Variants in VEGFC observed in about 807,000 individuals in gnomAD.
The protein encoded by VEGFC is FLT4 ligand DHM.
Under a neutral mutation model 46.1 loss-of-function variants are expected in VEGFC, and 12 were observed. The observed-to-expected ratio is 0.26, with a 90% CI of 0.17 to 0.42. The LOEUF is 0.42. Among genes scored for constraint, VEGFC ranks in the 10% least tolerant of loss-of-function variants. The pLI, the probability that VEGFC is intolerant of heterozygous loss-of-function variation, is 1.00. For missense variants in VEGFC, 488 were observed against 529.4 expected, an observed-to-expected ratio of 0.92 and a Z score of 0.77; for synonymous variants, 232 against 195.5, an observed-to-expected ratio of 1.19 and a Z score of -1.56.
Position 176,792,392 on chromosome 4 carries a change from C to G in VEGFC, c.-81G>C. 1 of 1,168,390 alleles carries G rather than the reference C, an allele frequency of 8.6e-7. No individual in the cohort carries two copies. The highest frequency in any genetic ancestry group is 3.2e-5 in the East Asian group (1 of 31,302). 72.4% of individuals were successfully genotyped at this position (1,168,390 alleles called of 1,614,324 possible). On this transcript the variant is annotated 5_prime_UTR_variant, in exon 1 of 7. Coordinates refer to ENST00000618562, the MANE Select transcript of VEGFC (RefSeq NM_005429.5). This position sits in a 1 kb window ranked among gnomAD's most constrained non-coding sequence, Gnocchi z 6.3. ...GCGGGCGCCCCTGCGAGGCCGCGGG[C>G]CCCTCCTGGTCCCTCTCCCCCGGGC...
rs147982751 is a variant in VEGFC at position 176,687,045 on chromosome 4, T to TA, written c.1145+141dup. ...AGTCTCATGCAAGTTTAGCATTGGTTAAAAAAATATAAGATTTTTGTCTTT... is the reference window on the plus strand; with the variant it reads ...AGTCTCATGCAAGTTTAGCATTGGTTAAAAAAAATATAAGATTTTTGTCTTT... On this transcript the variant is annotated intron_variant, in intron 6 of 6. Coordinates refer to ENST00000618562, the MANE Select transcript of VEGFC (RefSeq NM_005429.5). 17 of 973,192 alleles carry TA rather than the reference T, an allele frequency of 1.7e-5. No homozygotes were observed. In the African/African-American group the frequency reaches 2.3e-4, roughly 13 times the overall value. The allele number at this position is 973,192 out of a possible 1,614,324, so 60.3% of individuals were successfully genotyped here. A position where few individuals can be genotyped will look rare whatever the true frequency, so the allele number is the denominator to read the frequency against.
In VEGFC at chr4:176,739,145, C is replaced by A. The variant is rs565137449; in HGVS notation, c.148-9399G>T. Reference sequence around the variant, plus strand: ...ATCAGAATGGCTATTATTAAGAAGTCAAAAAACAACACATGCTGGTGGTGT... The same window carrying A: ...ATCAGAATGGCTATTATTAAGAAGTAAAAAAACAACACATGCTGGTGGTGT... On this transcript the variant is annotated intron_variant, in intron 1 of 6. Coordinates refer to ENST00000618562, the MANE Select transcript of VEGFC (RefSeq NM_005429.5). Among the ~76,000 whole-genome samples the A allele has an allele frequency of 1.4e-4, 22 of 151,924 alleles. No homozygotes were observed. In the South Asian group the frequency reaches 4.4e-3, roughly 30 times the overall value.
At chr4:176,738,812 A>C (rs1010781417) in intron 1 of VEGFC, among the ~76,000 whole-genome samples, 2 of 151,950 alleles carry the variant, frequency 1.3e-5, no homozygotes, top group African/African-American at 4.8e-5. Context: ...ATCTGACAAA[A>C]GTCTAATATC....
intron 6 of VEGFC, 130 bp downstream of exon 6, chr4:176,687,057 A>G (rs1053865339): frequency 5.7e-6 from 6 of 1,057,838 alleles, no homozygotes; most frequent in Non-Finnish European, 8.1e-6. Flanking sequence ...AAAAAATATA[A>G]GATTTTTGTC....
chr4:176,703,488 G>A (rs910311259), intron 4 of VEGFC, among the ~76,000 whole-genome samples: 1 of 151,984 alleles, frequency 6.6e-6, no homozygotes, highest in African/African-American at 2.4e-5. Flanking sequence ...GGTCAGTTGT[G>A]GGGGGAATGA....
intron 1 of VEGFC, among the ~76,000 whole-genome samples, chr4:176,754,227 CTTG>C (rs1287973588): frequency 5.3e-5 from 8 of 150,578 alleles, no homozygotes; most frequent in East Asian, 2.0e-4. Flanking sequence ...TAGGTCTTAA[CTTG>C]TTTTTTTTTT....
chr4:176,779,719 C>A (rs1437665396), intron 1 of VEGFC, among the ~76,000 whole-genome samples: 1 of 79,880 alleles, frequency 1.3e-5, no homozygotes, highest in Non-Finnish European at 3.8e-5. Context: ...AATGTCAGTG[C>A]GAAAGCAAAG....
intron 1 of VEGFC, among the ~76,000 whole-genome samples, chr4:176,765,124 G>A (rs1229929058): frequency 1.3e-5 from 2 of 152,008 alleles, no homozygotes; most frequent in East Asian, 3.9e-4. Context: ...TTTGAGCAAA[G>A]AATAGAATTT....
intron 1 of VEGFC, among the ~76,000 whole-genome samples, chr4:176,790,431 C>T (rs1736070807): frequency 6.6e-6 from 1 of 152,062 alleles, no homozygotes; most frequent in South Asian, 2.1e-4. Flanking sequence ...TGCCATATCA[C>T]CAATGGCAAA....
intron 6 of VEGFC, among the ~76,000 whole-genome samples, chr4:176,685,451 TAC>T (rs1272303621): frequency 1.3e-5 from 2 of 152,168 alleles, no homozygotes; most frequent in Admixed American, 6.5e-5. Context: ...CTTGGAATTA[TAC>T]ACTTAGAAAA....
At chr4:176,786,648 T>C (rs1490802408) in intron 1 of VEGFC, among the ~76,000 whole-genome samples, 1 of 152,236 alleles carries the variant, frequency 6.6e-6, no homozygotes, top group Non-Finnish European at 1.5e-5. Flanking sequence ...ATTATAAGCT[T>C]GTTATAGACA....
chr4:176,738,121 T>C (rs1735086839), intron 1 of VEGFC, among the ~76,000 whole-genome samples: 1 of 152,150 alleles, frequency 6.6e-6, no homozygotes, highest in African/African-American at 2.4e-5. Context: ...AAAATGGCCA[T>C]ACTGCCCAAA....
At chr4:176,700,145 G>C (rs983693148) in intron 4 of VEGFC, among the ~76,000 whole-genome samples, 1 of 152,220 alleles carries the variant, frequency 6.6e-6, no homozygotes, top group African/African-American at 2.4e-5. Flanking sequence ...GGCTGGGCAC[G>C]GTGGCTTACG....
At chr4:176,696,079 AG>A (rs1734308211) in intron 4 of VEGFC, among the ~76,000 whole-genome samples, 1 of 149,336 alleles carries the variant, frequency 6.7e-6, no homozygotes, top group African/African-American at 2.5e-5. Flanking sequence ...GGCACAAGAC[AG>A]GGATGCCCTC....
At chr4:176,772,991 T>C (rs920842944) in intron 1 of VEGFC, among the ~76,000 whole-genome samples, 1 of 152,328 alleles carries the variant, frequency 6.6e-6, no homozygotes, top group East Asian at 1.9e-4. Context: ...TGAAAAGAAT[T>C]TCAATATTGT....
intron 4 of VEGFC, among the ~76,000 whole-genome samples, chr4:176,693,774 A>C (rs1734255092): frequency 1.4e-5 from 2 of 139,392 alleles, no homozygotes; most frequent in South Asian, 4.2e-4. Flanking sequence ...CTAACAGAGG[A>C]TCTCTCGGCA....
chr4:176,685,044 T>C (rs1474160070), intron 6 of VEGFC, among the ~76,000 whole-genome samples: 2 of 152,170 alleles, frequency 1.3e-5, no homozygotes, highest in Non-Finnish European at 2.9e-5. Context: ...GAGCTATCTT[T>C]TAAAAACATT....
chr4:176,747,785 C>G (rs1735281768), intron 1 of VEGFC, among the ~76,000 whole-genome samples: 1 of 152,010 alleles, frequency 6.6e-6, no homozygotes, highest in South Asian at 2.1e-4. Flanking sequence ...GAGCCAGACC[C>G]TGTCTCAAAA....
intron 1 of VEGFC, among the ~76,000 whole-genome samples, chr4:176,768,846 A>T (rs1433492776): frequency 6.6e-6 from 1 of 151,422 alleles, no homozygotes; most frequent in African/African-American, 2.4e-5. Flanking sequence ...TTACCCTGAA[A>T]CTCCAGTAAA....
Sources: allele counts gnomAD v4.1 joint callset (sites outside exome capture counted in the v4.1 genomes callset), GRCh38; gene constraint gnomAD v4.1.1; non-coding constraint Gnocchi (gnomAD v3.1); transcripts MANE v1.5; gene names NCBI Gene and HGNC (gene_info 2026-07-23, HGNC 2026-07-21).